The following ANKRD36 variants were observed in gnomAD, a reference collection of about 807,000 sequenced individuals.
ANKRD36 encodes ankyrin repeat domain 36.
ANKRD36 carries 179 observed loss-of-function variants against 278.1 expected under a neutral mutation model. The observed-to-expected ratio is 0.64, with a 90% CI of 0.57 to 0.73. The LOEUF is 0.73. Among genes scored for constraint, ANKRD36 ranks in the 30% least tolerant of loss-of-function variants. ANKRD36 has a pLI of 0.00. For synonymous variants in ANKRD36, 320 were observed against 641.1 expected (o/e 0.50, Z 7.57); for missense variants, 1,159 against 1,956.7 (o/e 0.59, Z 7.69).
intron 38 of ANKRD36, among the ~76,000 whole-genome samples, chr2:97,193,814 C>T (rs182256309): frequency 6.6e-6 from 1 of 151,562 alleles, no homozygotes; most frequent in African/African-American, 2.4e-5. Flanking sequence ...GGAGCTACCT[C>T]TTGGATAAAA....
At chr2:97,189,529 C>T (rs56902720) in intron 34 of ANKRD36, among the ~76,000 whole-genome samples, 6,230 of 87,900 alleles carry the variant, frequency 0.071, 1,341 homozygotes, top group East Asian at 0.16. Flanking sequence ...GAAGAAGATA[C>T]ATGGAGAGAG....
intron 11 of ANKRD36, 42 bp from the exon 12 acceptor site, chr2:97,149,253 A>G (rs2045246659): frequency 6.6e-7 from 1 of 1,505,632 alleles, no homozygotes; most frequent in Admixed American, 2.0e-5. Context: ...TTCTTTTAAG[A>G]AATGAATGAG....
At chr2:97,149,068 A>G (rs1473282872) in intron 11 of ANKRD36, among the ~76,000 whole-genome samples, 4 of 151,840 alleles carry the variant, frequency 2.6e-5, no homozygotes, top group Non-Finnish European at 4.4e-5. Context: ...TGGATATTTC[A>G]TAGGTTGGGA....
chr2:97,185,553 A>G (rs1392117247), intron 30 of ANKRD36, 43 bp downstream of exon 30: 1 of 1,588,854 alleles, frequency 6.3e-7, no homozygotes, highest in South Asian at 1.1e-5. Context: ...CAGTCCAGAT[A>G]GAAAAGAACT....
intron 67 of ANKRD36, among the ~76,000 whole-genome samples, chr2:97,231,154 C>T (rs2071877412): frequency 1.3e-5 from 2 of 152,086 alleles, no homozygotes; most frequent in Non-Finnish European, 2.9e-5. Flanking sequence ...GCTGGGAGAA[C>T]CACTGCTGTC....
intron 30 of ANKRD36, among the ~76,000 whole-genome samples, chr2:97,185,802 G>A (rs2057307459): frequency 6.6e-6 from 1 of 151,750 alleles, no homozygotes; most frequent in Admixed American, 6.6e-5. Context: ...TAATTCTACA[G>A]CATGTTTTCA....
chr2:97,155,347 C>T (rs1262951690), intron 15 of ANKRD36, among the ~76,000 whole-genome samples: 1 of 144,518 alleles, frequency 6.9e-6, no homozygotes. Context: ...GTATCATGTG[C>T]CTGTAGTCCC....
intron 46 of ANKRD36, 96 bp downstream of exon 46, chr2:97,200,621 T>G: frequency 6.6e-7 from 1 of 1,505,814 alleles, no homozygotes; most frequent in East Asian, 2.5e-5. Context: ...AGCTGCACGT[T>G]CTGATTCACC....
chr2:97,193,778 T>G (rs2059065231), intron 38 of ANKRD36, among the ~76,000 whole-genome samples: 1 of 151,662 alleles, frequency 6.6e-6, no homozygotes, highest in Admixed American at 6.6e-5. Context: ...ATCTTGAATG[T>G]GAATAAATTT....
At chr2:97,200,581 C>T (rs2061076807) in intron 46 of ANKRD36, 56 bp downstream of exon 46, 57 of 1,535,930 alleles carry the variant, frequency 3.7e-5, no homozygotes, top group Middle Eastern at 2.3e-4. Flanking sequence ...AAGTTCTCTT[C>T]CCCGAATAAA....
chr2:97,144,668 C>G lies in ANKRD36; in HGVS notation c.959C>G (p.Ser320Trp). The change falls in exon 10 of 76, where the codon TCG becomes TGG. Residue 320 changes from serine (S) to tryptophan (W), a missense_variant. Transcript: ENST00000420699. ...ACAAGTGACAAGGATGATTCTGTTT[C>G]GAACACAGCCACAGAAATAAAAGAT... ...KDTSDKDDSV[S>W]NTATEIKDEQ... is the part of the protein sequence containing the mutation. The G allele has an allele frequency of 1.3e-6, 2 of 1,543,396 alleles. No homozygotes were observed. The highest frequency in any genetic ancestry group is 1.7e-6 in the Non-Finnish European group (2 of 1,146,606).
At chr2:97,188,320 G>C (rs2057854635) in intron 32 of ANKRD36, among the ~76,000 whole-genome samples, 3 of 151,054 alleles carry the variant, frequency 2.0e-5, no homozygotes, top group Admixed American at 6.6e-5. Context: ...ATTTCTGAAT[G>C]AAAAACTGAT....
chr2:97,162,472 T>C (rs2049174179), intron 18 of ANKRD36, among the ~76,000 whole-genome samples: 1 of 147,526 alleles, frequency 6.8e-6, no homozygotes, highest in Non-Finnish European at 1.5e-5. Flanking sequence ...CAAAATATAA[T>C]GTTCATTGTT....
At chr2:97,196,938 G>C in intron 42 of ANKRD36, 150 bp downstream of exon 42, 1 of 1,294,406 alleles carries the variant, frequency 7.7e-7, no homozygotes, top group Non-Finnish European at 1.0e-6. Flanking sequence ...CTTGGGTGAT[G>C]CTGATGCTGC....
chr2:97,194,945 A>T, intron 40 of ANKRD36, 28 bp downstream of exon 40: 1 of 1,540,338 alleles, frequency 6.5e-7, no homozygotes, highest in Non-Finnish European at 8.7e-7. Context: ...ATTTAATGTC[A>T]TGTTCAGTCC....
rs565703904 is a variant in ANKRD36, at chr2:97,215,468, A to G, written c.3644A>G (p.Glu1215Gly). 1 of 1,586,438 alleles carries G rather than the reference A, an allele frequency of 6.3e-7. No individual in the cohort carries two copies. The highest frequency in any genetic ancestry group is 1.3e-5 in the African/African-American group (1 of 74,302). The change falls in exon 62 of 76, where the codon GAA becomes GGA. Residue 1215 changes from glutamate to glycine, a missense_variant. Glu to Gly is a moderately conservative substitution (Grantham distance 98). Coordinates refer to ENST00000420699, the MANE Select transcript of ANKRD36 (RefSeq NM_001354587.1). ...GATTCTGTTTCGAATATAGCCACAG[A>G]AATAAAGGATGGACAAATACGTGGG... is the stretch of plus-strand genomic sequence containing the variant. Reference protein sequence around the residue: ...KKDSVSNIATEIKDGQIRGTV... With the variant: ...KKDSVSNIATGIKDGQIRGTV...
At chr2:97,221,590 C>T (rs1431967232) in intron 66 of ANKRD36, among the ~76,000 whole-genome samples, 4 of 143,798 alleles carry the variant, frequency 2.8e-5, no homozygotes, top group African/African-American at 1.1e-4. Flanking sequence ...TGAGAAGTGT[C>T]TGTTCATGTC....
rs2153507770 is a variant in ANKRD36, at chr2:97,167,151, A to G, written c.1532-426A>G. 2.6e-5 allele frequency among the ~76,000 whole-genome samples: 4 copies of G among 152,398 alleles called. No homozygotes were observed. The Middle Eastern group carries it at 0.01, about 389-fold the overall frequency. ...AAATGGAAAAACACCAGAAGCGTGC[A>G]TGACTGTGGACAACATGAGTATTTT... On this transcript the variant is annotated intron_variant, in intron 20 of 75. Transcript: ENST00000420699.
intron 30 of ANKRD36, 76 bp downstream of exon 30, chr2:97,185,586 G>T: frequency 1.3e-6 from 2 of 1,516,148 alleles, no homozygotes; most frequent in East Asian, 2.4e-5. Flanking sequence ...ATAAATCAGC[G>T]GGGGGCTCGT....
Sources: allele counts gnomAD v4.1 joint callset (sites outside exome capture counted in the v4.1 genomes callset), GRCh38; gene constraint gnomAD v4.1.1; transcripts MANE v1.5; gene names NCBI Gene and HGNC (gene_info 2026-07-23, HGNC 2026-07-21).